PRKCB: variants seen among roughly 807,000 people sequenced by gnomAD.
PRKCB encodes protein kinase C beta type.
PRKCB carries 13 observed loss-of-function variants against 81.5 expected under a neutral mutation model. The ratio of observed to expected loss-of-function variants is 0.16; its 90% confidence interval spans 0.10 to 0.25. PRKCB has a LOEUF of 0.25. PRKCB is among the 10% of genes least tolerant of loss of function. The probability of loss-of-function intolerance (pLI) is 1.00; values close to 1 mark genes in which losing one functional copy is unlikely to be tolerated. For missense variants in PRKCB, 509 were observed against 875.7 expected (o/e 0.58, Z 5.29); for synonymous variants, 335 against 321.4 (o/e 1.04, Z -0.45).
chr16:23,997,661 G>A (rs1964978923), intron 3 of PRKCB, among the ~76,000 whole-genome samples: 1 of 152,130 alleles, frequency 6.6e-6, no homozygotes, highest in Non-Finnish European at 1.5e-5. Context: ...AACGTAAGAT[G>A]TATTGACTTT....
intron 2 of PRKCB, 91 bp from the exon 3 acceptor site, chr16:23,988,417 C>T (rs1051986621): frequency 2.9e-6 from 3 of 1,021,394 alleles, no homozygotes; most frequent in African/African-American, 3.2e-5. Flanking sequence ...TGGTGAAGTT[C>T]AAGTTTAATG....
chr16:24,173,502 G>C lies in PRKCB; in HGVS notation c.1332-1016G>C, dbSNP rs61312099. Among the ~76,000 whole-genome samples, 40 of 152,262 alleles carry C rather than the reference G, an allele frequency of 2.6e-4. No homozygotes were observed. The East Asian group carries it at 7.5e-3, about 29-fold the overall frequency. Reference sequence around the variant, plus strand: ...AGGTTGTGAGCACTATGTTCTGATAGGATTTGCATTATTCTTGTGCTTCCA... The same window carrying C: ...AGGTTGTGAGCACTATGTTCTGATACGATTTGCATTATTCTTGTGCTTCCA... On this transcript the variant is annotated intron_variant, in intron 11 of 16. Coordinates refer to ENST00000643927, the MANE Select transcript of PRKCB (RefSeq NM_002738.7).
At chr16:23,974,383 G>A (rs1205912556) in intron 2 of PRKCB, among the ~76,000 whole-genome samples, 1 of 152,154 alleles carries the variant, frequency 6.6e-6, no homozygotes, top group Non-Finnish European at 1.5e-5. Flanking sequence ...TTCAGTGAGA[G>A]AGAGTCCACA....
intron 5 of PRKCB, among the ~76,000 whole-genome samples, chr16:24,062,756 G>A (rs554597780): frequency 6.6e-6 from 1 of 152,088 alleles, no homozygotes; most frequent in Non-Finnish European, 1.5e-5. Flanking sequence ...TGTGGGGACT[G>A]TGACATTACT....
At chr16:24,049,852 G>A (rs568660979) in intron 5 of PRKCB, among the ~76,000 whole-genome samples, 1 of 152,202 alleles carries the variant, frequency 6.6e-6, no homozygotes, top group Non-Finnish European at 1.5e-5. Flanking sequence ...CCACGCCTGT[G>A]TATCGCTCAG....
chr16:24,142,475 C>T (rs916595501), intron 9 of PRKCB, among the ~76,000 whole-genome samples: 3 of 152,158 alleles, frequency 2.0e-5, no homozygotes, highest in Non-Finnish European at 4.4e-5. Context: ...AGTTTTCCAG[C>T]CCCTGATCAC....
At chr16:24,114,507 C>T (rs546410700) in intron 8 of PRKCB, among the ~76,000 whole-genome samples, 2 of 152,154 alleles carry the variant, frequency 1.3e-5, no homozygotes, top group South Asian at 4.2e-4. Flanking sequence ...GCTGGCTCTG[C>T]TCCTACCTGA....
Position 23,959,026 on chromosome 16 carries a change from TATA to T in PRKCB, c.206-29479_206-29477del, listed in dbSNP as rs1964389333. Among the ~76,000 whole-genome samples, 6 of 152,338 alleles carry T rather than the reference TATA, an allele frequency of 3.9e-5. No homozygotes were observed. The Middle Eastern group carries it at 0.017, about 432-fold the overall frequency. ...TCAATTTCTCCATTTGTAAAATGTA[TATA>T]ATGATAGTACCTACCACGCATGGTT... On this transcript the variant is annotated intron_variant, in intron 2 of 16. Coordinates refer to ENST00000643927, the MANE Select transcript of PRKCB (RefSeq NM_002738.7).
chr16:23,837,477 C>T (rs1962185348), intron 2 of PRKCB, 71 bp downstream of exon 2: 3 of 1,551,502 alleles, frequency 1.9e-6, no homozygotes, highest in African/African-American at 2.8e-5. Flanking sequence ...GAAGAAGTTA[C>T]TGAGTTAGGC....
intron 16 of PRKCB, among the ~76,000 whole-genome samples, chr16:24,204,183 G>T (rs11640893): frequency 6.6e-6 from 1 of 151,952 alleles, no homozygotes; most frequent in African/African-American, 2.4e-5. Context: ...AGTCATTCTC[G>T]CCACACCCTA....
chr16:24,155,765 T>C (rs1285810376), intron 10 of PRKCB, among the ~76,000 whole-genome samples: 1 of 152,226 alleles, frequency 6.6e-6, no homozygotes, highest in African/African-American at 2.4e-5. Context: ...TTCTTTTCTT[T>C]TATCTGTTCT....
chr16:24,108,289 T>A (rs12918605), intron 7 of PRKCB, among the ~76,000 whole-genome samples: 258 of 138,228 alleles, frequency 1.9e-3, no homozygotes, highest in African/African-American at 5.1e-3. Flanking sequence ...ATTTATTTTT[T>A]TTATTATTTT....
intron 2 of PRKCB, among the ~76,000 whole-genome samples, chr16:23,913,963 TG>T (rs1439047101): frequency 6.6e-6 from 1 of 152,096 alleles, no homozygotes; most frequent in Non-Finnish European, 1.5e-5. Flanking sequence ...GTTGTAGGGG[TG>T]GGAATGCTCC....
chr16:24,195,981 T>C (rs921051438), intron 16 of PRKCB, among the ~76,000 whole-genome samples: 2 of 152,158 alleles, frequency 1.3e-5, no homozygotes, highest in Non-Finnish European at 2.9e-5. Flanking sequence ...AGCCCCCTGA[T>C]CCCCACCGTG....
At chr16:23,981,505 G>T (rs994817072) in intron 2 of PRKCB, among the ~76,000 whole-genome samples, 7 of 152,032 alleles carry the variant, frequency 4.6e-5, no homozygotes, top group South Asian at 4.1e-4. Flanking sequence ...GGTGTCAGGG[G>T]GTCGGGGGTA....
At chr16:24,036,116 ATT>A (rs1265555507) in intron 5 of PRKCB, among the ~76,000 whole-genome samples, 1 of 152,104 alleles carries the variant, frequency 6.6e-6, no homozygotes, top group Non-Finnish European at 1.5e-5. Context: ...TAATTTTATT[ATT>A]CTCTATATTT....
chr16:23,916,801 C>G (rs777104838), intron 2 of PRKCB, among the ~76,000 whole-genome samples: 1 of 152,120 alleles, frequency 6.6e-6, no homozygotes, highest in Non-Finnish European at 1.5e-5. Context: ...GCTTTGTCAC[C>G]CAGGCTGGAG....
chr16:24,181,034 C>T, intron 13 of PRKCB, 106 bp downstream of exon 13: 2 of 1,387,418 alleles, frequency 1.4e-6, no homozygotes, highest in South Asian at 1.4e-5. Context: ...TGCAAGGGAA[C>T]CTCGGACAGA....
chr16:23,935,994 T>G (rs1964052914), intron 2 of PRKCB, among the ~76,000 whole-genome samples: 1 of 152,240 alleles, frequency 6.6e-6, no homozygotes, highest in African/African-American at 2.4e-5. Context: ...AATCTGCACA[T>G]GTACCTACTG....
Sources: allele counts gnomAD v4.1 joint callset (sites outside exome capture counted in the v4.1 genomes callset), GRCh38; gene constraint gnomAD v4.1.1; transcripts MANE v1.5; gene names NCBI Gene and HGNC (gene_info 2026-07-23, HGNC 2026-07-21).